CFAP90: variants seen among roughly 807,000 people sequenced by gnomAD.
CFAP90 encodes cilia- and flagella-associated protein 90.
the CFAP90 span, among the ~76,000 whole-genome samples, chr5:7,832,603 T>A: frequency 6.6e-6 from 1 of 152,210 alleles, no homozygotes; most frequent in Admixed American, 6.5e-5. Context: ...TTCTCCTGCC[T>A]CAGCCTCCCG....
chr5:7,830,612 G>T, the CFAP90 span: 1 of 152,018 alleles, frequency 6.6e-6, no homozygotes, highest in East Asian at 1.9e-4. Flanking sequence ...AAAAAATAAA[G>T]AAATACTTAG....
the CFAP90 span, among the ~76,000 whole-genome samples, chr5:7,838,935 A>G: frequency 6.6e-6 from 1 of 152,186 alleles, no homozygotes; most frequent in African/African-American, 2.4e-5. Context: ...CCAGTGTATT[A>G]GTCTGTTTTC....
chr5:7,843,138 C>A, the CFAP90 span, among the ~76,000 whole-genome samples: 1 of 152,264 alleles, frequency 6.6e-6, no homozygotes, highest in East Asian at 1.9e-4. Context: ...AACTGAAAAC[C>A]CCCAAGGTGA....
chr5:7,831,846 T>G, the CFAP90 span: 1 of 1,603,990 alleles, frequency 6.2e-7, no homozygotes, highest in Non-Finnish European at 8.5e-7. Context: ...GCCACGGGGA[T>G]GCTTCAGGAT....
At chr5:7,832,221 G>T in the CFAP90 span, among the ~76,000 whole-genome samples, 4 of 152,154 alleles carry the variant, frequency 2.6e-5, no homozygotes, top group African/African-American at 9.7e-5. Context: ...CGTTGAATTT[G>T]CTAGAAGGCT....
chr5:7,845,396 C>T, the CFAP90 span, among the ~76,000 whole-genome samples: 1 of 152,174 alleles, frequency 6.6e-6, no homozygotes, highest in African/African-American at 2.4e-5. Flanking sequence ...AAGAAACAGT[C>T]AGCTTCTGTC....
chr5:7,831,613 A>G, the CFAP90 span: 7 of 398,972 alleles, frequency 1.8e-5, no homozygotes, highest in South Asian at 2.0e-4. Flanking sequence ...GCTGAAAATC[A>G]TCACATCAGA....
chr5:7,846,839 T>C, the CFAP90 span, among the ~76,000 whole-genome samples: 1 of 152,118 alleles, frequency 6.6e-6, no homozygotes. Flanking sequence ...TTCAATCTCC[T>C]GGGCTGAAGT....
At chr5:7,850,809 C>T in the CFAP90 span, 337 of 811,958 alleles carry the variant, frequency 4.2e-4, no homozygotes, top group Non-Finnish European at 4.9e-4. Context: ...GCCGCCCAGC[C>T]GCCCAGCCGC....
chr5:7,848,247 C>T, the CFAP90 span, among the ~76,000 whole-genome samples: 3 of 152,138 alleles, frequency 2.0e-5, no homozygotes, highest in African/African-American at 7.2e-5. Flanking sequence ...TGTTTCCCTC[C>T]TGTCTTAATA....
At chr5:7,836,053 C>A in the CFAP90 span, among the ~76,000 whole-genome samples, 1 of 152,128 alleles carries the variant, frequency 6.6e-6, no homozygotes, top group South Asian at 2.1e-4. Flanking sequence ...AGCCCCCTCA[C>A]GCTTCTTTTA....
chr5:7,841,930 C>T, the CFAP90 span, among the ~76,000 whole-genome samples: 3 of 151,878 alleles, frequency 2.0e-5, no homozygotes, highest in Non-Finnish European at 4.4e-5. Flanking sequence ...CCATGGCATA[C>T]GTTTACGTAT....
At chr5:7,850,990 G>T in the CFAP90 span, 1 of 1,292,602 alleles carries the variant, frequency 7.7e-7, no homozygotes, top group South Asian at 2.8e-5. Context: ...CCGCAGCGTG[G>T]ACGCGGTGGT....
At chr5:7,843,642 C>T in the CFAP90 span, among the ~76,000 whole-genome samples, 3 of 152,150 alleles carry the variant, frequency 2.0e-5, no homozygotes, top group Non-Finnish European at 2.9e-5. Flanking sequence ...CAGCTCCCTA[C>T]TCACCCCTCA....
the CFAP90 span, among the ~76,000 whole-genome samples, chr5:7,838,156 C>T: frequency 1.3e-5 from 2 of 152,022 alleles, no homozygotes; most frequent in Non-Finnish European, 2.9e-5. Flanking sequence ...TTTTTTGGAC[C>T]TTCACATCAC....
the CFAP90 span, among the ~76,000 whole-genome samples, chr5:7,839,835 T>A: frequency 6.6e-6 from 1 of 152,134 alleles, no homozygotes; most frequent in South Asian, 2.1e-4. Context: ...AATTTTTCTA[T>A]CATTGAAAAA....
At chr5:7,850,031 G>C in the CFAP90 span, among the ~76,000 whole-genome samples, 6 of 152,156 alleles carry the variant, frequency 3.9e-5, no homozygotes, top group Non-Finnish European at 7.4e-5. Flanking sequence ...GAGGGATCCT[G>C]ACACCTAGTG....
the CFAP90 span, among the ~76,000 whole-genome samples, chr5:7,847,690 C>T: frequency 6.6e-6 from 1 of 152,250 alleles, no homozygotes; most frequent in Non-Finnish European, 1.5e-5. Flanking sequence ...TCCCAGCGGA[C>T]CTCCTTCCAA....
chr5:7,835,236 T>A, the CFAP90 span: 1 of 578,082 alleles, frequency 1.7e-6, no homozygotes, highest in East Asian at 2.8e-5. Context: ...TAGACTTACT[T>A]GACATAAGGT....
Sources: gnomAD v4.1 joint callset for allele counts (sites outside exome capture counted in the v4.1 genomes callset) on GRCh38, gnomAD v4.1.1 for gene constraint, MANE v1.5 for transcripts, NCBI Gene and HGNC (gene_info 2026-07-23, HGNC 2026-07-21) for gene names.